FARP2: variants seen among roughly 807,000 people sequenced by gnomAD.
FARP2 encodes the protein FERM, ARHGEF and pleckstrin domain-containing protein 2.
FARP2 carries 111 observed loss-of-function variants against 130.5 expected under a neutral mutation model. That is an observed-to-expected ratio of 0.85 (90% CI 0.73 to 1.00). The LOEUF (loss-of-function observed/expected upper bound fraction) is 1.00, where lower values mean the gene tolerates loss of function less well. Ranked by LOEUF, FARP2 falls within the 50% of genes least tolerant of loss-of-function variation. The pLI is 0.00. For synonymous variants in FARP2, 504 were observed against 516.9 expected, an observed-to-expected ratio of 0.98 and a Z score of 0.34; for missense variants, 1,385 against 1,346.3, an observed-to-expected ratio of 1.03 and a Z score of -0.45.
At chr2:241,426,469 G>C (rs1275914525) in intron 8 of FARP2, among the ~76,000 whole-genome samples, 3 of 152,214 alleles carry the variant, frequency 2.0e-5, no homozygotes, top group Admixed American at 2.0e-4. Flanking sequence ...GGGAGGGGTA[G>C]GTGTGAGGTA....
chr2:241,402,683 T>G (rs1402609864), intron 2 of FARP2, among the ~76,000 whole-genome samples: 1 of 150,378 alleles, frequency 6.6e-6, no homozygotes, highest in African/African-American at 2.5e-5. Context: ...CTTCTGTTTT[T>G]TGAAACAGGG....
intron 13 of FARP2, among the ~76,000 whole-genome samples, chr2:241,448,046 A>G (rs1183024484): frequency 6.6e-6 from 1 of 152,040 alleles, no homozygotes; most frequent in Non-Finnish European, 1.5e-5. Context: ...TACCTGCCAC[A>G]CCAGAGCAGA....
intron 13 of FARP2, among the ~76,000 whole-genome samples, chr2:241,453,781 T>TGTTTTG: frequency 8.7e-6 from 1 of 114,982 alleles, no homozygotes; most frequent in East Asian, 2.8e-4. Flanking sequence ...TTTTTTTTTT[T>TGTTTTG]TTTTTTTTTT....
chr2:241,383,774 T>C (rs920179063), intron 2 of FARP2, among the ~76,000 whole-genome samples: 9 of 152,016 alleles, frequency 5.9e-5, no homozygotes, highest in African/African-American at 1.9e-4. Context: ...GCCAACATGG[T>C]GCAAGGACTG....
intron 4 of FARP2, among the ~76,000 whole-genome samples, chr2:241,406,099 C>G (rs7587941): frequency 1.2e-4 from 18 of 151,874 alleles, no homozygotes; most frequent in Admixed American, 2.6e-4. Context: ...GTCAGGAGAT[C>G]GAGACCATCC....
chr2:241,363,883 C>T (rs2061245953), intron 1 of FARP2, among the ~76,000 whole-genome samples: 1 of 152,200 alleles, frequency 6.6e-6, no homozygotes, highest in African/African-American at 2.4e-5. Context: ...AAAATTTACT[C>T]AGCATGTGAA....
rs551817460 is a variant in FARP2, at chr2:241,475,733, G to A, written c.2132-124G>A. ...TTGGGGACCGCTGCTATAAGGAGTC[G>A]AGTAGGATGTACCTCTAATTAGAAC... is the stretch of plus-strand genomic sequence containing the variant. On this transcript the variant is annotated intron_variant, in intron 18 of 26. Coordinates refer to ENST00000264042, the MANE Select transcript of FARP2 (RefSeq NM_014808.4). The surrounding 1 kb of genome is among the most constrained non-coding windows in gnomAD (Gnocchi z 4.4). 77 of 801,542 alleles carry A rather than the reference G, an allele frequency of 9.6e-5. No homozygotes were observed. The highest frequency in any genetic ancestry group is 1.3e-4 in the Non-Finnish European group (72 of 559,924). 49.7% of individuals were successfully genotyped at this position (801,542 alleles called of 1,614,324 possible).
chr2:241,413,235 A>G (rs2150364396), intron 6 of FARP2, 72 bp from the exon 7 acceptor site: 2 of 832,006 alleles, frequency 2.4e-6, no homozygotes, highest in Middle Eastern at 4.6e-4. Context: ...TTTACTTTTA[A>G]TGTATGCAAT....
At chr2:241,483,313 A>T (rs1404368479) in intron 19 of FARP2, 152 bp from the exon 20 acceptor site, 1 of 664,462 alleles carries the variant, frequency 1.5e-6, no homozygotes, top group Non-Finnish European at 2.7e-6. Context: ...AGGGTAGAGG[A>T]GCCCCATTGG....
intron 9 of FARP2, among the ~76,000 whole-genome samples, chr2:241,432,495 C>G (rs2063118601): frequency 6.6e-6 from 1 of 152,190 alleles, no homozygotes; most frequent in African/African-American, 2.4e-5. Flanking sequence ...ATCTGAAGCC[C>G]TACAGCAGCT....
chr2:241,400,349 G>T (rs2062136643), intron 2 of FARP2, among the ~76,000 whole-genome samples: 1 of 152,220 alleles, frequency 6.6e-6, no homozygotes, highest in African/African-American at 2.4e-5. Flanking sequence ...GCCGTGTGTG[G>T]TGCCTCTCCT....
intron 1 of FARP2, among the ~76,000 whole-genome samples, chr2:241,372,064 C>T (rs759154437): frequency 5.3e-5 from 8 of 151,324 alleles, no homozygotes; most frequent in Non-Finnish European, 1.5e-5. Context: ...ATAAAATCTA[C>T]AGTGCATTAA....
rs1559786201 is a variant in FARP2, at chr2:241,453,768, G to GTTTTTTTTTTTTTTTTTTT, written c.1412-2979_1412-2978insTTTTTTTTTTTTTTTTTTT. On this transcript the variant is annotated intron_variant, in intron 13 of 26. Coordinates refer to ENST00000264042, the MANE Select transcript of FARP2 (RefSeq NM_014808.4). ...TTGTTTACTGGGAGTGGCACTTACTGGTTTTTTTTTTTTTTTTTTTTTTTT... is the reference window on the plus strand; with the variant it reads ...TTGTTTACTGGGAGTGGCACTTACTGTTTTTTTTTTTTTTTTTTTGTTTTTTTTTTTTTTTTTTTTTTTT... 6.0e-5 allele frequency among the ~76,000 whole-genome samples: 6 copies of GTTTTTTTTTTTTTTTTTTT among 99,896 alleles called. 3 individuals carry two copies. Among genetic ancestry groups the GTTTTTTTTTTTTTTTTTTT allele is most frequent in the Admixed American group, 2.6e-4 (2 of 7,826 alleles). The allele number at this position is 99,896 out of a possible 152,430, so 65.5% of individuals were successfully genotyped here.
chr2:241,442,359 C>T, intron 13 of FARP2: 1 of 456,710 alleles, frequency 2.2e-6, no homozygotes. Context: ...CGGCCGAGGA[C>T]TCCAGCAGCA....
intron 7 of FARP2, among the ~76,000 whole-genome samples, chr2:241,416,459 GT>G (rs562972233): frequency 2.6e-4 from 39 of 150,890 alleles, no homozygotes; most frequent in South Asian, 1.3e-3. Flanking sequence ...AATCCTTCAG[GT>G]TTTTTTTTAA....
At chr2:241,426,542 ATG>A (rs1480291953) in intron 8 of FARP2, among the ~76,000 whole-genome samples, 1 of 152,168 alleles carries the variant, frequency 6.6e-6, no homozygotes, top group Non-Finnish European at 1.5e-5. Flanking sequence ...GCTGTCATAA[ATG>A]TGCTTTTCAG....
intron 2 of FARP2, among the ~76,000 whole-genome samples, 194 bp downstream of exon 2, chr2:241,373,484 G>C (rs2061467716): frequency 6.6e-6 from 1 of 152,284 alleles, no homozygotes; most frequent in Admixed American, 6.5e-5. Context: ...TGTATCTTTT[G>C]TTTAAAATTG....
intron 19 of FARP2, chr2:241,477,949 C>A (rs1302852748): frequency 2.6e-5 from 4 of 152,754 alleles, no homozygotes; most frequent in Non-Finnish European, 5.9e-5. Context: ...AAAAAGACAA[C>A]CTGTTGAGTT....
intron 2 of FARP2, among the ~76,000 whole-genome samples, chr2:241,377,337 T>C (rs2061561217): frequency 1.3e-5 from 2 of 148,642 alleles, no homozygotes; most frequent in African/African-American, 2.5e-5. Context: ...TGGTTTCTTT[T>C]TTTTTTTTTT....
Sources: allele counts gnomAD v4.1 joint callset (sites outside exome capture counted in the v4.1 genomes callset), GRCh38; gene constraint gnomAD v4.1.1; non-coding constraint Gnocchi (gnomAD v3.1); transcripts MANE v1.5; gene names NCBI Gene and HGNC (gene_info 2026-07-23, HGNC 2026-07-21).